The following SPOCK1 variants were observed in gnomAD, a reference collection of about 807,000 sequenced individuals.
SPOCK1 encodes SPARC (osteonectin), cwcv and kazal like domains proteoglycan 1, also known as testican-1.
SPOCK1 carries 23 observed loss-of-function variants against 55.3 expected under a neutral mutation model. The ratio of observed to expected loss-of-function variants is 0.42; its 90% CI spans 0.30 to 0.59. The LOEUF (loss-of-function observed/expected upper bound fraction) is 0.59, where lower values mean the gene tolerates loss of function less well. Ranked by LOEUF, SPOCK1 falls within the 20% of genes least tolerant of loss-of-function variation. The probability of loss-of-function intolerance (pLI) is 0.22; values close to 1 mark genes in which losing one functional copy is unlikely to be tolerated. For missense variants in SPOCK1, 499 were observed against 552.5 expected (o/e 0.90, Z 0.97); for synonymous variants, 226 against 221.0 (o/e 1.02, Z -0.20).
intron 3 of SPOCK1, among the ~76,000 whole-genome samples, chr5:137,178,846 G>A (rs527390754): frequency 5.9e-5 from 9 of 152,296 alleles, no homozygotes; most frequent in South Asian, 2.1e-4. Flanking sequence ...CTTTTCTACC[G>A]TGTAAACCAC....
intron 3 of SPOCK1, among the ~76,000 whole-genome samples, chr5:137,192,873 C>A (rs1755211173): frequency 6.6e-6 from 1 of 152,116 alleles, no homozygotes; most frequent in Non-Finnish European, 1.5e-5. Context: ...ACTTACAGAT[C>A]ATAGTAAAAA....
At chr5:137,242,710 C>T (rs766165543) in intron 3 of SPOCK1, among the ~76,000 whole-genome samples, 3 of 152,142 alleles carry the variant, frequency 2.0e-5, no homozygotes, top group Non-Finnish European at 2.9e-5. Flanking sequence ...TGCATTCCAG[C>T]CTGGGTGACA....
chr5:137,333,774 A>G (rs1031260356), intron 2 of SPOCK1, among the ~76,000 whole-genome samples: 3 of 152,232 alleles, frequency 2.0e-5, no homozygotes, highest in African/African-American at 7.2e-5. Flanking sequence ...GAACACTGAA[A>G]TATGCACATT....
chr5:137,228,802 C>T lies in SPOCK1; in HGVS notation c.232+38208G>A, dbSNP rs76568128. Among the ~76,000 whole-genome samples the T allele has an allele frequency of 5.3e-5, 8 of 152,240 alleles. No individual in the cohort carries two copies. In the East Asian group the frequency reaches 1.5e-3, roughly 29 times the overall value. ...TTTGCTGAGGGGCAGAAAGCATGTA[C>T]AAATATAATATTTTCAGTTTAATTA... On this transcript the variant is annotated intron_variant, in intron 3 of 10. Transcript: ENST00000394945.
intron 3 of SPOCK1, among the ~76,000 whole-genome samples, chr5:137,202,709 G>T (rs138669687): frequency 3.3e-5 from 5 of 152,188 alleles, no homozygotes; most frequent in African/African-American, 1.2e-4. Flanking sequence ...GATTTGAAAA[G>T]GAAAATAACA....
intron 4 of SPOCK1, among the ~76,000 whole-genome samples, chr5:137,133,999 T>C (rs1330089880): frequency 6.6e-6 from 1 of 151,578 alleles, no homozygotes; most frequent in Non-Finnish European, 1.5e-5. Context: ...CTAAGGGAAA[T>C]GTACATCAGG....
At chr5:137,459,052 G>A (rs559900672) in intron 2 of SPOCK1, among the ~76,000 whole-genome samples, 1 of 152,322 alleles carries the variant, frequency 6.6e-6, no homozygotes, top group African/African-American at 2.4e-5. Flanking sequence ...GTGGTCCAGT[G>A]AGTGAGGCTG....
chr5:137,249,119 T>G lies in SPOCK1; in HGVS notation c.232+17891A>C, dbSNP rs928558294. 8.8e-4 allele frequency among the ~76,000 whole-genome samples: 134 copies of G among 152,220 alleles called. 1 individual carries two copies. Among genetic ancestry groups the G allele is most frequent in the African/African-American group, 3.2e-3 (133 of 41,446 alleles). ...GTTAAAGGAGGCAGGAAGGAGTCAA[T>G]TTTCCCATCAGCAATGCTATTCTTT... On this transcript the variant is annotated intron_variant, in intron 3 of 10. Coordinates refer to ENST00000394945, the MANE Select transcript of SPOCK1 (RefSeq NM_004598.4).
At chr5:137,078,749 ATCTT>A (rs1425384327) in intron 5 of SPOCK1, among the ~76,000 whole-genome samples, 2 of 152,056 alleles carry the variant, frequency 1.3e-5, no homozygotes, top group Admixed American at 6.5e-5. Context: ...TAGACAATTA[ATCTT>A]TGCTCCTTCC....
At chr5:137,419,446 T>G (rs921601692) in intron 2 of SPOCK1, among the ~76,000 whole-genome samples, 1 of 152,350 alleles carries the variant, frequency 6.6e-6, no homozygotes, top group Non-Finnish European at 1.5e-5. Flanking sequence ...TGGAATGTTC[T>G]TCCATTTGCT....
At chr5:137,225,041 A>C (rs1477875953) in intron 3 of SPOCK1, among the ~76,000 whole-genome samples, 1 of 152,186 alleles carries the variant, frequency 6.6e-6, no homozygotes, top group East Asian at 1.9e-4. Context: ...CAAAAGCATG[A>C]AAGCCCTTCA....
intron 9 of SPOCK1, among the ~76,000 whole-genome samples, chr5:136,984,580 G>A (rs1750803225): frequency 1.3e-5 from 2 of 152,176 alleles, no homozygotes; most frequent in South Asian, 4.1e-4. Flanking sequence ...TGCAAGTTGT[G>A]CATGTTAGGG....
At chr5:137,254,531 T>C (rs1365037867) in intron 3 of SPOCK1, among the ~76,000 whole-genome samples, 1 of 152,220 alleles carries the variant, frequency 6.6e-6, no homozygotes, top group African/African-American at 2.4e-5. Context: ...TGTCTTTAAA[T>C]AAGATGTGGA....
intron 7 of SPOCK1, among the ~76,000 whole-genome samples, chr5:136,989,665 C>A (rs1040506563): frequency 6.6e-6 from 1 of 152,050 alleles, no homozygotes; most frequent in Middle Eastern, 3.2e-3. Flanking sequence ...ATTCAGACCC[C>A]GGCAAGCTTA....
intron 2 of SPOCK1, among the ~76,000 whole-genome samples, chr5:137,275,099 T>C (rs912272987): frequency 6.6e-6 from 1 of 152,246 alleles, no homozygotes; most frequent in Admixed American, 6.5e-5. Flanking sequence ...AGAAAACAGA[T>C]GGAGGAACCC....
intron 3 of SPOCK1, among the ~76,000 whole-genome samples, chr5:137,213,093 T>A (rs1206952856): frequency 2.6e-5 from 4 of 151,954 alleles, no homozygotes; most frequent in Non-Finnish European, 5.9e-5. Flanking sequence ...CCATAAAAGG[T>A]GATAATCTGG....
intron 2 of SPOCK1, among the ~76,000 whole-genome samples, chr5:137,450,463 G>A (rs1753231703): frequency 6.6e-6 from 1 of 152,152 alleles, no homozygotes. Flanking sequence ...GAAAGGTGTG[G>A]GGTGTACATG....
chr5:137,420,532 G>A (rs960551535), intron 2 of SPOCK1, among the ~76,000 whole-genome samples: 6 of 152,164 alleles, frequency 3.9e-5, no homozygotes, highest in African/African-American at 1.2e-4. Flanking sequence ...TTGGGAGTTT[G>A]TATGTGTCTA....
Position 137,105,103 on chromosome 5 carries a change from C to T in SPOCK1, c.474+7332G>A, listed in dbSNP as rs1234058401. ...AAATCAGAATTTTAACTTCTCATCT[C>T]CCCTCAGTGCTGCACAGATGGGAAC... On this transcript the variant is annotated intron_variant, in intron 5 of 10. Transcript: ENST00000394945. Among the ~76,000 whole-genome samples, 9 of 152,300 alleles carry T rather than the reference C, an allele frequency of 5.9e-5. No individual in the cohort carries two copies. In the East Asian group the frequency reaches 1.7e-3, roughly 29 times the overall value.
Sources: gnomAD v4.1 joint callset for allele counts (sites outside exome capture counted in the v4.1 genomes callset) on GRCh38, gnomAD v4.1.1 for gene constraint, MANE v1.5 for transcripts, NCBI Gene and HGNC (gene_info 2026-07-23, HGNC 2026-07-21) for gene names.